MED12L: variants seen among roughly 807,000 people sequenced by gnomAD.
The protein encoded by MED12L is mediator complex subunit 12L.
In MED12L, 60 loss-of-function variants were observed where a neutral mutation model predicts 281.3. The observed-to-expected ratio is 0.21, with a 90% CI of 0.17 to 0.26. The LOEUF (loss-of-function observed/expected upper bound fraction) is 0.26. MED12L is among the 10% of genes least tolerant of loss of function. The probability of loss-of-function intolerance (pLI) is 1.00; values close to 1 mark genes in which losing one functional copy is unlikely to be tolerated. For synonymous variants in MED12L, 974 were observed against 987.2 expected, an observed-to-expected ratio of 0.99 and a Z score of 0.25; for missense variants, 2,146 against 2,680.9, an observed-to-expected ratio of 0.80 and a Z score of 4.41.
chr3:151,358,432 C>A (rs2150065766), intron 20 of MED12L, among the ~76,000 whole-genome samples: 2 of 152,198 alleles, frequency 1.3e-5, no homozygotes, highest in Admixed American at 1.3e-4. Flanking sequence ...GCTAATAAAT[C>A]TCACAGATTT....
chr3:151,248,369 A>C (rs1463238714), intron 16 of MED12L, among the ~76,000 whole-genome samples: 1 of 152,158 alleles, frequency 6.6e-6, no homozygotes, highest in Non-Finnish European at 1.5e-5. Flanking sequence ...CCTTGCATGA[A>C]GTATTTCACC....
At chr3:151,156,041 T>C in intron 5 of MED12L, 120 bp from the exon 6 acceptor site, 1 of 829,334 alleles carries the variant, frequency 1.2e-6, no homozygotes, top group African/African-American at 1.7e-5. Context: ...AGATCATTTT[T>C]AGGGAGCAGA....
At chr3:151,284,247 A>G (rs1743170228) in intron 16 of MED12L, among the ~76,000 whole-genome samples, 1 of 152,098 alleles carries the variant, frequency 6.6e-6, no homozygotes, top group Admixed American at 6.6e-5. Context: ...ACTGAAATCA[A>G]AGGAAGTGCT....
At chr3:151,156,518 A>T (rs976945502) in intron 6 of MED12L, among the ~76,000 whole-genome samples, 188 bp downstream of exon 6, 1 of 152,258 alleles carries the variant, frequency 6.6e-6, no homozygotes, top group African/African-American at 2.4e-5. Flanking sequence ...ACAGCTTATT[A>T]TACATATTGA....
chr3:151,166,642 G>A (rs1720762497), intron 11 of MED12L, among the ~76,000 whole-genome samples: 1 of 151,788 alleles, frequency 6.6e-6, no homozygotes, highest in Admixed American at 6.6e-5. Flanking sequence ...TAGGCAGTCT[G>A]GAGGCAGAAT....
At chr3:151,108,429 A>G (rs998048718) in intron 2 of MED12L, among the ~76,000 whole-genome samples, 6 of 152,204 alleles carry the variant, frequency 3.9e-5, no homozygotes, top group African/African-American at 1.2e-4. Context: ...AATTACATGT[A>G]TCTGTGATGG....
At position 151,350,126 on chromosome 3, in the gene MED12L, A is replaced by G. The variant is rs1753039749; in HGVS notation, c.2318A>G (p.Asp773Gly). The G allele has an allele frequency of 6.2e-7, 1 of 1,613,724 alleles. No individual in the cohort carries two copies. The highest frequency in any genetic ancestry group is 1.7e-5 in the Admixed American group (1 of 59,988). The change falls in exon 17 of 45, where the codon GAT becomes GGT. Residue 773 changes from aspartate (D) to glycine (G), a missense_variant. Physicochemically the swap from Asp to Gly is moderately conservative, Grantham distance 94. Around this residue, in one of 9 missense-constraint regions of MED12L, gnomAD observed 404 missense variants for 603.5 expected, o/e 0.67. Coordinates refer to ENST00000687756, the MANE Select transcript of MED12L (RefSeq NM_001393769.1). The part of the protein sequence containing the change: ...ILLYGVGKER[D>G]EARHQLKKIT... Reference sequence around the variant, plus strand: ...CTCTATGGAGTCGGCAAAGAGCGTGATGAAGCAAGGCATCAGCTGAAGAAG... The same window carrying G: ...CTCTATGGAGTCGGCAAAGAGCGTGGTGAAGCAAGGCATCAGCTGAAGAAG...
chr3:151,431,643 A>C (rs1719528248), intron 44 of MED12L, among the ~76,000 whole-genome samples: 1 of 152,134 alleles, frequency 6.6e-6, no homozygotes, highest in African/African-American at 2.4e-5. Flanking sequence ...AGAAAATACA[A>C]TCTTAAGGCA....
At chr3:151,363,766 G>A (rs1371466504) in intron 21 of MED12L, among the ~76,000 whole-genome samples, 1 of 152,010 alleles carries the variant, frequency 6.6e-6, no homozygotes, top group African/African-American at 2.4e-5. Context: ...TTACACATAC[G>A]GACTCTATAC....
At chr3:151,318,303 T>G (rs1748554060) in intron 16 of MED12L, among the ~76,000 whole-genome samples, 1 of 152,104 alleles carries the variant, frequency 6.6e-6, no homozygotes, top group African/African-American at 2.4e-5. Flanking sequence ...ACTCTCTCTG[T>G]GCTATTTTAT....
chr3:151,288,227 A>G (rs961826678), intron 16 of MED12L, among the ~76,000 whole-genome samples: 1 of 152,264 alleles, frequency 6.6e-6, no homozygotes, highest in African/African-American at 2.4e-5. Flanking sequence ...ATGAGGCACA[A>G]TTCTTACACA....
At position 151,287,970 on chromosome 3, in the gene MED12L, T is replaced by G. The variant is rs149718303; in HGVS notation, c.2251-62089T>G. 7.9e-5 allele frequency among the ~76,000 whole-genome samples: 12 copies of G among 152,316 alleles called. No individual in the cohort carries two copies. In the East Asian group the frequency reaches 2.3e-3, roughly 29 times the overall value. On this transcript the variant is annotated intron_variant, in intron 16 of 44. Transcript: ENST00000687756. The stretch of plus-strand genomic sequence containing the variant: ...AAGCGGCCCAGAAAAAGTTTACCCT[T>G]TATTTATTAATACTCTATCCCTTCC...
intron 28 of MED12L, 145 bp downstream of exon 28, chr3:151,376,359 T>C (rs1271220126): frequency 1.5e-6 from 1 of 656,870 alleles, no homozygotes; most frequent in Non-Finnish European, 2.3e-6. Flanking sequence ...GGAATTGACA[T>C]ACTTTATTTT....
At chr3:151,338,677 A>G in intron 16 of MED12L, 1 of 1,613,726 alleles carries the variant, frequency 6.2e-7, no homozygotes, top group Non-Finnish European at 8.5e-7. Context: ...ATAAAGTTTG[A>G]TTTACTCCGG....
intron 10 of MED12L, 22 bp downstream of exon 10, chr3:151,165,541 C>A: frequency 1.9e-6 from 3 of 1,575,724 alleles, no homozygotes; most frequent in Non-Finnish European, 2.6e-6. Context: ...CACAGAGGAA[C>A]GAGTGCTTTT....
Position 151,159,991 on chromosome 3 carries a change from A to G in MED12L, c.997A>G (p.Ser333Gly). ...GPNNSSIGAP[S>G]PGPPGPGMSP... ...AAACAACTCGAGTATCGGGGCCCCC[A>G]GCCCTGGCCCCCCCGGCCCTGGCAT... The change falls in exon 8 of 45, where the codon AGC becomes GGC. Residue 333 changes from serine to glycine, a missense_variant. Coordinates refer to ENST00000687756, the MANE Select transcript of MED12L (RefSeq NM_001393769.1). The G allele has an allele frequency of 6.2e-7, 1 of 1,614,174 alleles. No individual in the cohort carries two copies. Among genetic ancestry groups the G allele is most frequent in the Non-Finnish European group, 8.5e-7 (1 of 1,180,028 alleles).
At chr3:151,294,516 A>G (rs1744791985) in intron 16 of MED12L, 1 of 1,614,048 alleles carries the variant, frequency 6.2e-7, no homozygotes, top group African/African-American at 1.3e-5. Context: ...TTTCGGCTTG[A>G]CTGACTTATG....
At position 151,387,800 on chromosome 3, in the gene MED12L, T is replaced by G. The variant is rs1299602807; in HGVS notation, c.5089-10T>G. The G allele has an allele frequency of 6.2e-7, 1 of 1,601,088 alleles. No individual in the cohort carries two copies. Among genetic ancestry groups the G allele is most frequent in the East Asian group, 2.2e-5 (1 of 44,694 alleles). Reference sequence around the variant, plus strand: ...TGAGTGTGCTATCTTAGAGCGCTATTTTCCCACAGGGTCTCCAGGTCTCTA... The same window carrying G: ...TGAGTGTGCTATCTTAGAGCGCTATGTTCCCACAGGGTCTCCAGGTCTCTA... On this transcript the variant is annotated splice_polypyrimidine_tract_variant and intron_variant, in intron 36 of 44. Coordinates refer to ENST00000687756, the MANE Select transcript of MED12L (RefSeq NM_001393769.1).
intron 16 of MED12L, among the ~76,000 whole-genome samples, chr3:151,285,972 G>A (rs1316626816): frequency 6.6e-6 from 1 of 152,190 alleles, no homozygotes; most frequent in Non-Finnish European, 1.5e-5. Flanking sequence ...AAATTACCCA[G>A]TTTAAAGTAT....
Sources: gnomAD v4.1 joint callset for allele counts (sites outside exome capture counted in the v4.1 genomes callset) on GRCh38, gnomAD v4.1.1 for gene constraint, gnomAD v4.1.1 regional missense constraint, MANE v1.5 for transcripts, NCBI Gene and HGNC (gene_info 2026-07-23, HGNC 2026-07-21) for gene names.